The following PHKB variants were observed in gnomAD, a reference collection of about 807,000 sequenced individuals.
PHKB encodes the protein phosphorylase b kinase regulatory subunit beta.
Under a neutral mutation model 152.1 loss-of-function variants are expected in PHKB, and 122 were observed. That is an observed-to-expected ratio of 0.80 (90% confidence interval 0.69 to 0.93). PHKB has a LOEUF of 0.93. Ranked by LOEUF, PHKB falls within the 40% of genes least tolerant of loss-of-function variation. The pLI is 0.00. For missense variants in PHKB, 1,304 were observed against 1,328.4 expected, an observed-to-expected ratio of 0.98 and a Z score of 0.29; for synonymous variants, 436 against 464.9, an observed-to-expected ratio of 0.94 and a Z score of 0.80.
intron 1 of PHKB, among the ~76,000 whole-genome samples, chr16:47,471,136 T>C (rs778979650): frequency 1.3e-5 from 2 of 152,140 alleles, no homozygotes; most frequent in Non-Finnish European, 2.9e-5. Flanking sequence ...AAGGAAAGCC[T>C]CTCTGGAAGT....
intron 29 of PHKB, among the ~76,000 whole-genome samples, chr16:47,696,999 G>T (rs1974159802): frequency 6.6e-6 from 1 of 152,204 alleles, no homozygotes; most frequent in African/African-American, 2.4e-5. Flanking sequence ...GTGCAGAGAA[G>T]ACATGTCATT....
intron 27 of PHKB, among the ~76,000 whole-genome samples, chr16:47,691,170 C>A (rs1283026739): frequency 6.6e-6 from 1 of 152,136 alleles, no homozygotes. Flanking sequence ...TGAGGTACAT[C>A]TTACAAAATA....
chr16:47,543,775 A>G (rs1971106970), intron 6 of PHKB, among the ~76,000 whole-genome samples: 1 of 152,168 alleles, frequency 6.6e-6, no homozygotes, highest in Non-Finnish European at 1.5e-5. Context: ...TAGATTTTCT[A>G]CTTTATTTGA....
intron 7 of PHKB, among the ~76,000 whole-genome samples, chr16:47,554,922 TG>T: frequency 6.6e-6 from 1 of 152,336 alleles, no homozygotes; most frequent in Admixed American, 6.5e-5. Flanking sequence ...CCTTCTGCAT[TG>T]GTCTTGCTGG....
chr16:47,601,280 G>A (rs1056049523), intron 13 of PHKB, among the ~76,000 whole-genome samples: 2 of 152,092 alleles, frequency 1.3e-5, no homozygotes, highest in African/African-American at 2.4e-5. Flanking sequence ...GAAAACTAAA[G>A]AAATATAAAG....
chr16:47,560,754 T>A lies in PHKB; in HGVS notation c.710+13206T>A, dbSNP rs186854748. On this transcript the variant is annotated intron_variant, in intron 7 of 30. Transcript: ENST00000323584. ...CCCTATTTCACACCATATACAAAAA[T>A]TAATATGAAAGAGATCAAAGACCTA... Among the ~76,000 whole-genome samples the A allele has an allele frequency of 5.9e-5, 9 of 152,218 alleles. No homozygotes were observed. In the East Asian group the frequency reaches 1.5e-3, roughly 26 times the overall value.
chr16:47,561,047 A>AG (rs559811129), intron 7 of PHKB, among the ~76,000 whole-genome samples: 1 of 152,226 alleles, frequency 6.6e-6, no homozygotes, highest in Admixed American at 6.5e-5. Flanking sequence ...TCTTAGTTTA[A>AG]GGTGCCACAT....
At chr16:47,609,130 A>G (rs1418368382) in intron 13 of PHKB, among the ~76,000 whole-genome samples, 1 of 152,070 alleles carries the variant, frequency 6.6e-6, no homozygotes, top group Non-Finnish European at 1.5e-5. Flanking sequence ...AATTTTGTCA[A>G]ATGCTTTTTC....
At chr16:47,693,644 A>G in intron 28 of PHKB, 137 bp downstream of exon 28, 1 of 989,862 alleles carries the variant, frequency 1.0e-6, no homozygotes, top group Non-Finnish European at 1.5e-6. Context: ...AATACTAGAA[A>G]ATAAGACATC....
intron 7 of PHKB, among the ~76,000 whole-genome samples, chr16:47,571,509 C>T (rs562730295): frequency 6.6e-6 from 1 of 152,258 alleles, no homozygotes; most frequent in South Asian, 2.1e-4. Context: ...ACATTTAGAT[C>T]AGACAAGCAC....
At chr16:47,641,129 A>G (rs765013768) in intron 15 of PHKB, 39 bp downstream of exon 15, 14 of 1,168,134 alleles carry the variant, frequency 1.2e-5, no homozygotes, top group Non-Finnish European at 1.7e-5. Flanking sequence ...TTTTGTGGGG[A>G]GGGGAGGGGA....
rs147158345 is a variant in PHKB at position 47,640,637 on chromosome 16, C to A, written c.1459-398C>A. Among the ~76,000 whole-genome samples the A allele has an allele frequency of 2.0e-5, 3 of 152,148 alleles. No individual in the cohort carries two copies. In the East Asian group the frequency reaches 5.8e-4, roughly 29 times the overall value. ...ATATGTGGTTAAGATGTCAAATGAA[C>A]AATTTTAACTATCATTTTTTTTTTA... is the stretch of plus-strand genomic sequence containing the variant. On this transcript the variant is annotated intron_variant, in intron 14 of 30. Transcript: ENST00000323584.
intron 13 of PHKB, among the ~76,000 whole-genome samples, chr16:47,600,982 C>T (rs904745664): frequency 3.3e-5 from 5 of 152,092 alleles, no homozygotes; most frequent in South Asian, 2.1e-4. Context: ...AGGTGTGTGC[C>T]GCCACGCCTG....
intron 6 of PHKB, among the ~76,000 whole-genome samples, chr16:47,516,391 G>T (rs1335285446): frequency 6.6e-6 from 1 of 152,148 alleles, no homozygotes; most frequent in Non-Finnish European, 1.5e-5. Flanking sequence ...AAATTGTAAA[G>T]AATTCATATC....
chr16:47,649,262 A>G (rs2151730736), intron 18 of PHKB, 58 bp downstream of exon 18: 1 of 923,184 alleles, frequency 1.1e-6, no homozygotes, highest in Non-Finnish European at 1.8e-6. Context: ...TGATTTTATC[A>G]TATGTTACTA....
At chr16:47,508,239 A>C (rs1970453264) in intron 4 of PHKB, among the ~76,000 whole-genome samples, 1 of 152,212 alleles carries the variant, frequency 6.6e-6, no homozygotes, top group Non-Finnish European at 1.5e-5. Flanking sequence ...TTGTCTTGAC[A>C]CTTATCTTAA....
intron 14 of PHKB, among the ~76,000 whole-genome samples, chr16:47,632,267 G>A (rs1341793779): frequency 3.3e-5 from 5 of 152,176 alleles, no homozygotes; most frequent in African/African-American, 1.2e-4. Flanking sequence ...TGGTGCCACT[G>A]TGTAACCATA....
intron 6 of PHKB, among the ~76,000 whole-genome samples, chr16:47,540,069 A>G (rs1260855717): frequency 2.6e-5 from 4 of 152,192 alleles, no homozygotes; most frequent in African/African-American, 9.7e-5. Flanking sequence ...AGATATCACT[A>G]AATTCTTTTC....
intron 16 of PHKB, among the ~76,000 whole-genome samples, chr16:47,642,387 G>T (rs1024873561): frequency 3.3e-5 from 5 of 152,154 alleles, no homozygotes; most frequent in African/African-American, 1.2e-4. Flanking sequence ...CTCTGCAGAT[G>T]GATCCATTAT....
Sources: gnomAD v4.1 joint callset for allele counts (sites outside exome capture counted in the v4.1 genomes callset) on GRCh38, gnomAD v4.1.1 for gene constraint, MANE v1.5 for transcripts, NCBI Gene and HGNC (gene_info 2026-07-23, HGNC 2026-07-21) for gene names.